CORIN: variants seen among roughly 807,000 people sequenced by gnomAD.
The protein encoded by CORIN is atrial natriuretic peptide-converting enzyme.
In CORIN, 117 loss-of-function variants were observed where a neutral mutation model predicts 125.3. That is an observed-to-expected ratio of 0.93 (90% CI 0.80 to 1.09). CORIN has a LOEUF of 1.09. Ranked by LOEUF, CORIN falls within the 50% of genes least tolerant of loss-of-function variation. CORIN has a pLI of 0.00. For synonymous variants in CORIN, 450 were observed against 466.4 expected (o/e 0.96, Z 0.45); for missense variants, 1,253 against 1,306.7 (o/e 0.96, Z 0.63).
At chr4:47,632,753 A>AGATAGATAGATAGATAGATAGATAGAT (rs535482981) in intron 16 of CORIN, among the ~76,000 whole-genome samples, 21 of 118,816 alleles carry the variant, frequency 1.8e-4, no homozygotes, top group African/African-American at 6.1e-4. Context: ...ATAGATAGAT[A>AGATAGATAGATAGATAGATAGATAGAT]GATAGATAGA....
At chr4:47,711,309 A>T (rs184753234) in intron 5 of CORIN, among the ~76,000 whole-genome samples, 3 of 152,230 alleles carry the variant, frequency 2.0e-5, no homozygotes, top group Non-Finnish European at 2.9e-5. Flanking sequence ...ACAGTAATGG[A>T]GTTTAAGATG....
intron 16 of CORIN, among the ~76,000 whole-genome samples, chr4:47,641,589 G>C (rs73142006): frequency 1.8e-4 from 27 of 151,338 alleles, no homozygotes; most frequent in African/African-American, 6.3e-4. Flanking sequence ...AACCTCTTGG[G>C]GGGAAATTAC....
intron 10 of CORIN, among the ~76,000 whole-genome samples, chr4:47,669,982 C>T (rs1724671093): frequency 6.6e-6 from 1 of 152,190 alleles, no homozygotes; most frequent in Admixed American, 6.5e-5. Context: ...TTGGGTTCCT[C>T]CTCCATTCTT....
chr4:47,623,471 G>A (rs551053223), intron 19 of CORIN, 100 bp downstream of exon 19: 66 of 1,273,120 alleles, frequency 5.2e-5, no homozygotes, highest in South Asian at 1.6e-4. Context: ...TGTGGCTTTC[G>A]CCTGGATGTG....
chr4:47,754,171 A>G (rs1448720565), intron 4 of CORIN, among the ~76,000 whole-genome samples: 1 of 152,218 alleles, frequency 6.6e-6, no homozygotes, highest in Non-Finnish European at 1.5e-5. Flanking sequence ...AAGTAATTGG[A>G]ATTATATGAC....
chr4:47,704,724 G>A (rs1015231800), intron 5 of CORIN, among the ~76,000 whole-genome samples: 6 of 152,118 alleles, frequency 3.9e-5, no homozygotes, highest in African/African-American at 9.7e-5. Context: ...ACACGCTATC[G>A]ATCAACTGAA....
rs1017141941 is a variant in CORIN at position 47,754,192 on chromosome 4, C to T, written c.617+9187G>A. Among the ~76,000 whole-genome samples, 10 of 152,242 alleles carry T rather than the reference C, an allele frequency of 6.6e-5. No individual in the cohort carries two copies. The East Asian group carries it at 1.7e-3, about 26-fold the overall frequency. On this transcript the variant is annotated intron_variant, in intron 4 of 21. Coordinates refer to ENST00000273857, the MANE Select transcript of CORIN (RefSeq NM_006587.4). ...TTGGAATTATATGACAGTATCTTAC[C>T]TATGCTTTGAGCTATTTTGGCTCAT...
chr4:47,595,456 C>A lies in CORIN; in HGVS notation c.*265G>T. On this transcript the variant is annotated 3_prime_UTR_variant, in exon 22 of 22. Transcript: ENST00000273857. ...AGAGTCGATAATTTTGTGCTGCAGT[C>A]ATGGTTAGGCCTGGCAAAAGGACAA... 1.3e-5 allele frequency: 3 copies of A among 239,512 alleles called. No individual in the cohort carries two copies. Among genetic ancestry groups the A allele is most frequent in the Non-Finnish European group, 1.6e-5 (2 of 124,450 alleles). The allele number at this position is 239,512 out of a possible 1,614,324, so 14.8% of individuals were successfully genotyped here.
intron 5 of CORIN, among the ~76,000 whole-genome samples, chr4:47,709,100 C>G (rs1297285964): frequency 6.6e-6 from 1 of 152,048 alleles, no homozygotes; most frequent in African/African-American, 2.4e-5. Flanking sequence ...TCGTTAACAA[C>G]CCAAATCTCT....
intron 4 of CORIN, among the ~76,000 whole-genome samples, chr4:47,755,349 G>A (rs1368393542): frequency 1.3e-5 from 2 of 152,074 alleles, no homozygotes; most frequent in African/African-American, 2.4e-5. Context: ...ATCTAAGAAC[G>A]GCCATGGTAT....
At chr4:47,835,560 CT>C (rs1162215754) in intron 1 of CORIN, among the ~76,000 whole-genome samples, 1 of 152,166 alleles carries the variant, frequency 6.6e-6, no homozygotes, top group Non-Finnish European at 1.5e-5. Context: ...AAAGTACAGG[CT>C]TTTGAAAGTG....
intron 4 of CORIN, among the ~76,000 whole-genome samples, chr4:47,754,726 A>AT (rs1168593619): frequency 6.6e-6 from 1 of 152,058 alleles, no homozygotes; most frequent in Non-Finnish European, 1.5e-5. Context: ...AGAAACTGAG[A>AT]TTTGCACTGA....
At chr4:47,678,822 G>T (rs1242399940) in intron 8 of CORIN, among the ~76,000 whole-genome samples, 1 of 147,694 alleles carries the variant, frequency 6.8e-6, no homozygotes, top group Non-Finnish European at 1.5e-5. Flanking sequence ...CACACCAGAA[G>T]TGTTCTACCT....
chr4:47,622,547 T>C (rs946079749), intron 19 of CORIN, among the ~76,000 whole-genome samples: 3 of 151,810 alleles, frequency 2.0e-5, no homozygotes, highest in Non-Finnish European at 4.4e-5. Flanking sequence ...CCATTCTAAC[T>C]GGTGTGAGAT....
At chr4:47,809,954 T>C (rs1731995682) in intron 1 of CORIN, among the ~76,000 whole-genome samples, 1 of 152,166 alleles carries the variant, frequency 6.6e-6, no homozygotes, top group Non-Finnish European at 1.5e-5. Flanking sequence ...TTAAGCTTTG[T>C]TTCAATGGAC....
rs1436133200 is a variant in CORIN at position 47,761,092 on chromosome 4, G to C, written c.617+2287C>G. 3.3e-5 allele frequency among the ~76,000 whole-genome samples: 5 copies of C among 152,160 alleles called. No homozygotes were observed. In the East Asian group the frequency reaches 5.8e-4, roughly 18 times the overall value. On this transcript the variant is annotated intron_variant, in intron 4 of 21. Coordinates refer to ENST00000273857, the MANE Select transcript of CORIN (RefSeq NM_006587.4). ...GACCACAAAAACTTTCTCCATATCA[G>C]CAATAAGGCTGTTTTGCCTTCTAAT...
At chr4:47,655,928 A>G (rs1452439910) in intron 12 of CORIN, among the ~76,000 whole-genome samples, 1 of 151,960 alleles carries the variant, frequency 6.6e-6, no homozygotes, top group African/African-American at 2.4e-5. Flanking sequence ...ACTAGTACCA[A>G]TTCTGCTCAA....
At chr4:47,797,083 C>A (rs1731324357) in intron 2 of CORIN, among the ~76,000 whole-genome samples, 1 of 151,902 alleles carries the variant, frequency 6.6e-6, no homozygotes. Flanking sequence ...ATATAACAGA[C>A]ACTCAATACA....
Position 47,627,642 on chromosome 4 carries a change from G to A in CORIN, c.2199-1121C>T, listed in dbSNP as rs181026956. Among the ~76,000 whole-genome samples the A allele has an allele frequency of 3.0e-4, 46 of 152,218 alleles. No homozygotes were observed. In the Middle Eastern group the frequency reaches 0.01, roughly 34 times the overall value. ...TGAATCCGGCTCTCCATCAATTCCA[G>A]AAGTTCTGAATGCAGAGGCAAAGTG... is the stretch of plus-strand genomic sequence containing the variant. On this transcript the variant is annotated intron_variant, in intron 16 of 21. Coordinates refer to ENST00000273857, the MANE Select transcript of CORIN (RefSeq NM_006587.4).
Sources: gnomAD v4.1 joint callset for allele counts (sites outside exome capture counted in the v4.1 genomes callset) on GRCh38, gnomAD v4.1.1 for gene constraint, MANE v1.5 for transcripts, NCBI Gene and HGNC (gene_info 2026-07-23, HGNC 2026-07-21) for gene names.